Variants in GFRA1 observed in about 807,000 individuals in gnomAD.
The protein encoded by GFRA1 is GDNF family receptor alpha-1.
In GFRA1, 16 loss-of-function variants were observed where a neutral mutation model predicts 51.6. That is an observed-to-expected ratio of 0.31 (90% CI 0.21 to 0.47). The LOEUF is 0.47. GFRA1 is among the 20% of genes least tolerant of loss of function. GFRA1 has a pLI of 1.00. For missense variants in GFRA1, 530 were observed against 594.3 expected, an observed-to-expected ratio of 0.89 and a Z score of 1.13; for synonymous variants, 270 against 241.3, an observed-to-expected ratio of 1.12 and a Z score of -1.10.
At chr10:116,068,524 G>T (rs947454657) in intron 9 of GFRA1, among the ~76,000 whole-genome samples, 1 of 152,164 alleles carries the variant, frequency 6.6e-6, no homozygotes, top group Non-Finnish European at 1.5e-5. Context: ...CTCACAGTGG[G>T]CATGCTGCAG....
chr10:116,115,899 A>C (rs2133984662), intron 6 of GFRA1, among the ~76,000 whole-genome samples: 1 of 152,212 alleles, frequency 6.6e-6, no homozygotes, highest in African/African-American at 2.4e-5. Flanking sequence ...CTTTGAAGAG[A>C]GACAAGCTGC....
At position 116,125,266 on chromosome 10, in the gene GFRA1, T is replaced by C. The variant is rs1333543663; in HGVS notation, c.725A>G (p.Asn242Ser). The C allele has an allele frequency of 9.3e-6, 15 of 1,614,088 alleles. No homozygotes were observed. Among genetic ancestry groups the C allele is most frequent in the Non-Finnish European group, 1.2e-5 (14 of 1,180,044 alleles). ...VCSYEEREKP[N>S]CLNLQDSCKT... ...GCAGGAGTCCTGCAAATTCAAACAGTTGGGCTTCTCCCTCTCTTCATAGGA... is the reference window on the plus strand; with the variant it reads ...GCAGGAGTCCTGCAAATTCAAACAGCTGGGCTTCTCCCTCTCTTCATAGGA... The change falls in exon 6 of 11, where the codon AAC becomes AGC. Residue 242 changes from asparagine to serine, a missense_variant. By Grantham distance (46) the Asn-to-Ser change is conservative. Transcript: ENST00000355422.
intron 4 of GFRA1, among the ~76,000 whole-genome samples, chr10:116,248,969 G>GC (rs377200954): frequency 1.9e-4 from 29 of 152,200 alleles, no homozygotes; most frequent in African/African-American, 7.0e-4. Flanking sequence ...CTGCCACATG[G>GC]CCCCACTCCT....
At chr10:116,225,534 C>CAAAAAAAAA (rs756377767) in intron 4 of GFRA1, among the ~76,000 whole-genome samples, 1 of 63,952 alleles carries the variant, frequency 1.6e-5, no homozygotes, top group African/African-American at 6.8e-5. Context: ...AGTCTGTCTC[C>CAAAAAAAAA]AAAAAAAAAA....
intron 5 of GFRA1, among the ~76,000 whole-genome samples, chr10:116,199,444 A>C (rs757554366): frequency 4.6e-4 from 70 of 152,126 alleles, no homozygotes; most frequent in Non-Finnish European, 8.7e-4. Context: ...TCAACATTTT[A>C]TTATAAAGTT....
In GFRA1 at chr10:116,212,122, T is replaced by C. The variant is rs182951942; in HGVS notation, c.419-477A>G. On this transcript the variant is annotated intron_variant, in intron 4 of 10. Coordinates refer to ENST00000355422, the MANE Select transcript of GFRA1 (RefSeq NM_005264.8). ...ATTCAAGGCCACAGAGGAACAAGCA[T>C]GGTCAAAGTGTGTTAGAAAGGTTAA... Among the ~76,000 whole-genome samples the C allele has an allele frequency of 6.6e-5, 10 of 152,302 alleles. No homozygotes were observed. The East Asian group carries it at 1.5e-3, about 24-fold the overall frequency.
At chr10:116,159,063 A>G (rs1235550563) in intron 5 of GFRA1, among the ~76,000 whole-genome samples, 3 of 152,220 alleles carry the variant, frequency 2.0e-5, no homozygotes, top group African/African-American at 7.2e-5. Flanking sequence ...TTTTTTTTAA[A>G]AAGTGCCAAC....
At chr10:116,136,419 G>A (rs1471010987) in intron 5 of GFRA1, among the ~76,000 whole-genome samples, 4 of 152,110 alleles carry the variant, frequency 2.6e-5, no homozygotes, top group African/African-American at 7.2e-5. Flanking sequence ...TAAAACCGAC[G>A]CTGCTTCTCC....
Position 116,125,233 on chromosome 10 carries a change from T to G in GFRA1, c.758A>C (p.Asn253Thr). ...AGTGCCCACTTACCTGCAGATGTAA[T>G]TCGTCTTGCAGGAGTCCTGCAAATT... ...CLNLQDSCKT[N>T]YICRSRLADF... is the part of the protein sequence containing the mutation. Residue 253 changes from asparagine (N) to threonine (T), a missense_variant, in exon 6 of 11, where the codon AAT becomes ACT. By Grantham distance (65) the Asn-to-Thr change is moderately conservative. Transcript: ENST00000355422. 2 of 1,614,042 alleles carry G rather than the reference T, an allele frequency of 1.2e-6. No homozygotes were observed. Among genetic ancestry groups the G allele is most frequent in the Non-Finnish European group, 1.7e-6 (2 of 1,179,910 alleles).
chr10:116,102,173 C>T (rs2694781), intron 6 of GFRA1, among the ~76,000 whole-genome samples: 24,001 of 152,154 alleles, frequency 0.16, 1,962 homozygotes, highest in East Asian at 0.21. Context: ...AACTGCCAAC[C>T]GCCCATAATG....
intron 5 of GFRA1, among the ~76,000 whole-genome samples, chr10:116,194,418 C>T (rs1472951620): frequency 2.0e-5 from 3 of 152,154 alleles, no homozygotes; most frequent in African/African-American, 7.2e-5. Context: ...CCAGTAGACA[C>T]TCTGTTTTCT....
intron 5 of GFRA1, among the ~76,000 whole-genome samples, chr10:116,188,668 C>T (rs1962960542): frequency 6.6e-6 from 1 of 152,046 alleles, no homozygotes; most frequent in Admixed American, 6.6e-5. Context: ...CTTTGGGAGG[C>T]CGAGGCGGGC....
chr10:116,139,104 G>A (rs778568162), intron 5 of GFRA1, among the ~76,000 whole-genome samples: 5 of 152,188 alleles, frequency 3.3e-5, no homozygotes, highest in Admixed American at 2.0e-4. Context: ...CCTGTCCATC[G>A]ACTGTGGCTG....
intron 5 of GFRA1, among the ~76,000 whole-genome samples, chr10:116,199,502 T>TACCC (rs1964161164): frequency 6.6e-6 from 1 of 152,248 alleles, no homozygotes; most frequent in South Asian, 2.1e-4. Flanking sequence ...CTCATACTCC[T>TACCC]ACCCCCAGAC....
chr10:116,175,675 T>C (rs1405986200), intron 5 of GFRA1, among the ~76,000 whole-genome samples: 2 of 152,108 alleles, frequency 1.3e-5, no homozygotes, highest in African/African-American at 2.4e-5. Flanking sequence ...GGGGAAAGGG[T>C]GACCTCCCAC....
intron 9 of GFRA1, among the ~76,000 whole-genome samples, chr10:116,087,061 TTC>T (rs1206255072): frequency 6.6e-6 from 1 of 152,196 alleles, no homozygotes; most frequent in African/African-American, 2.4e-5. Flanking sequence ...ACTTTTGTCC[TTC>T]TGTTTAGGAA....
intron 6 of GFRA1, among the ~76,000 whole-genome samples, chr10:116,102,611 A>G (rs1009164620): frequency 8.5e-5 from 13 of 152,244 alleles, no homozygotes; most frequent in African/African-American, 3.1e-4. Flanking sequence ...TGAAAGCCAC[A>G]TCTTACATGG....
chr10:116,181,812 T>A (rs1036339092), intron 5 of GFRA1, among the ~76,000 whole-genome samples: 1 of 152,062 alleles, frequency 6.6e-6, no homozygotes, highest in African/African-American at 2.4e-5. Context: ...CCCGGCTAAT[T>A]TTTTGTATTT....
chr10:116,194,063 ATTT>A (rs745669282), intron 5 of GFRA1, among the ~76,000 whole-genome samples: 1,868 of 117,578 alleles, frequency 0.016, 50 homozygotes, highest in African/African-American at 0.036. Context: ...AATAAATAAA[ATTT>A]AAAAAAAAAA....
Sources: gnomAD v4.1 joint callset for allele counts (sites outside exome capture counted in the v4.1 genomes callset) on GRCh38, gnomAD v4.1.1 for gene constraint, MANE v1.5 for transcripts, NCBI Gene and HGNC (gene_info 2026-07-23, HGNC 2026-07-21) for gene names.